The following MCC variants were observed in gnomAD, a reference collection of about 807,000 sequenced individuals.
MCC encodes the protein MCC regulator of Wnt signaling pathway.
Under a neutral mutation model 116.2 loss-of-function variants are expected in MCC, and 90 were observed. The observed-to-expected ratio is 0.77, with a 90% CI of 0.65 to 0.92. The LOEUF (loss-of-function observed/expected upper bound fraction) is 0.92. Ranked by LOEUF, MCC falls within the 40% of genes least tolerant of loss-of-function variation. MCC has a pLI of 0.00. For missense variants in MCC, 1,516 were observed against 1,312.2 expected, an observed-to-expected ratio of 1.16 and a Z score of -2.40; for synonymous variants, 578 against 510.5, an observed-to-expected ratio of 1.13 and a Z score of -1.78.
intron 1 of MCC, among the ~76,000 whole-genome samples, chr5:113,463,375 G>C (rs1193452374): frequency 6.6e-6 from 1 of 152,184 alleles, no homozygotes; most frequent in Non-Finnish European, 1.5e-5. Flanking sequence ...GGCCAGTTAG[G>C]AATATTTGAA....
intron 3 of MCC, among the ~76,000 whole-genome samples, chr5:113,173,048 ATT>A (rs1324488881): frequency 6.6e-6 from 1 of 152,158 alleles, no homozygotes; most frequent in Non-Finnish European, 1.5e-5. Context: ...TATAACAGAT[ATT>A]AACTTTTCAC....
intron 2 of MCC, among the ~76,000 whole-genome samples, chr5:113,370,442 T>C (rs917542850): frequency 2.6e-5 from 4 of 152,178 alleles, no homozygotes; most frequent in African/African-American, 9.7e-5. Context: ...ATAAGGAGTA[T>C]CAGAAGTGAC....
intron 1 of MCC, among the ~76,000 whole-genome samples, chr5:113,400,902 T>A (rs1769665369): frequency 6.6e-6 from 1 of 152,182 alleles, no homozygotes; most frequent in South Asian, 2.1e-4. Flanking sequence ...ATGGTCAGTA[T>A]GACAAATGAG....
chr5:113,237,769 T>C (rs550062555), intron 3 of MCC, among the ~76,000 whole-genome samples: 3 of 152,356 alleles, frequency 2.0e-5, no homozygotes, highest in Non-Finnish European at 2.9e-5. Context: ...AAGGCTCTCA[T>C]AGAACCCAGA....
At chr5:113,045,300 G>A (rs1751996474) in intron 16 of MCC, among the ~76,000 whole-genome samples, 1 of 152,028 alleles carries the variant, frequency 6.6e-6, no homozygotes, top group Non-Finnish European at 1.5e-5. Context: ...CTAGTTGGAG[G>A]GAAGCTTTTT....
chr5:113,303,258 G>C (rs923448388), intron 3 of MCC, among the ~76,000 whole-genome samples: 19 of 152,140 alleles, frequency 1.2e-4, no homozygotes, highest in African/African-American at 3.6e-4. Context: ...TGATGTTGAA[G>C]GTCATGAGAA....
At chr5:113,253,768 G>A (rs1324719353) in intron 3 of MCC, among the ~76,000 whole-genome samples, 1 of 151,924 alleles carries the variant, frequency 6.6e-6, no homozygotes, top group Non-Finnish European at 1.5e-5. Context: ...GAATTTTAGG[G>A]GGAAAAACAT....
chr5:113,463,796 G>A (rs1771819852), intron 1 of MCC, among the ~76,000 whole-genome samples: 1 of 152,286 alleles, frequency 6.6e-6, no homozygotes, highest in Non-Finnish European at 1.5e-5. Flanking sequence ...AAGCTGAAAC[G>A]TAAATAAGAG....
At chr5:113,324,184 C>T (rs1027507240) in intron 3 of MCC, among the ~76,000 whole-genome samples, 5 of 152,112 alleles carry the variant, frequency 3.3e-5, no homozygotes, top group African/African-American at 1.2e-4. Flanking sequence ...CTGAGGCAGC[C>T]TCTGAACCTC....
At chr5:113,159,601 T>A (rs80274495) in intron 3 of MCC, among the ~76,000 whole-genome samples, 1,898 of 152,272 alleles carry the variant, frequency 0.012, 42 homozygotes, top group African/African-American at 0.044. Context: ...GTCCCAGCTA[T>A]CCTTGGAGAC....
intron 1 of MCC, among the ~76,000 whole-genome samples, chr5:113,468,205 C>T (rs959767152): frequency 1.2e-3 from 189 of 152,314 alleles, no homozygotes; most frequent in Non-Finnish European, 2.1e-3. Context: ...CTGGCCAGAA[C>T]TTCCAACACT....
chr5:113,368,194 T>G (rs564306083), intron 2 of MCC, among the ~76,000 whole-genome samples: 1 of 152,360 alleles, frequency 6.6e-6, no homozygotes, highest in South Asian at 2.1e-4. Flanking sequence ...TTGTGAGATG[T>G]CTGAAGCTAT....
At chr5:113,096,065 C>G (rs1407137287) in intron 8 of MCC, among the ~76,000 whole-genome samples, 1 of 152,186 alleles carries the variant, frequency 6.6e-6, no homozygotes, top group Admixed American at 6.5e-5. Context: ...TCAGATGACC[C>G]TGGTGAAGGG....
intron 1 of MCC, among the ~76,000 whole-genome samples, chr5:113,406,990 G>A (rs974951631): frequency 2.0e-5 from 3 of 152,182 alleles, no homozygotes; most frequent in Admixed American, 2.0e-4. Flanking sequence ...TATATACTTA[G>A]TGAGAACAGA....
At chr5:113,048,799 CGAA>C in intron 16 of MCC, 2 of 499,490 alleles carry the variant, frequency 4.0e-6, no homozygotes, top group Non-Finnish European at 7.0e-6. Context: ...GAGGATTAGA[CGAA>C]GGAGGTGAGA....
chr5:113,467,781 G>A (rs1018321141), intron 1 of MCC, among the ~76,000 whole-genome samples: 7 of 152,176 alleles, frequency 4.6e-5, no homozygotes, highest in Admixed American at 1.3e-4. Context: ...GGGCAGTATG[G>A]CCATTTTCAC....
chr5:113,188,107 C>G (rs762749137), intron 3 of MCC, among the ~76,000 whole-genome samples: 5 of 152,182 alleles, frequency 3.3e-5, no homozygotes, highest in African/African-American at 1.2e-4. Flanking sequence ...GTATTATTTA[C>G]AGCCGAGGAA....
At chr5:113,226,242 A>T (rs1196686250) in intron 3 of MCC, among the ~76,000 whole-genome samples, 2 of 152,250 alleles carry the variant, frequency 1.3e-5, no homozygotes. Context: ...GAGGAAAAAA[A>T]GTTTTATTGG....
intron 3 of MCC, among the ~76,000 whole-genome samples, chr5:113,186,038 T>C (rs1377695213): frequency 2.0e-5 from 3 of 151,982 alleles, no homozygotes; most frequent in Middle Eastern, 3.4e-3. Flanking sequence ...GACAGTGGCA[T>C]TGAGGGGCAA....
Sources: gnomAD v4.1 joint callset for allele counts (sites outside exome capture counted in the v4.1 genomes callset) on GRCh38, gnomAD v4.1.1 for gene constraint, MANE v1.5 for transcripts, NCBI Gene and HGNC (gene_info 2026-07-23, HGNC 2026-07-21) for gene names.